Variants in LIPC observed in about 807,000 individuals in gnomAD.
LIPC encodes lipase C, hepatic type.
In LIPC, 44 loss-of-function variants were observed where a neutral mutation model predicts 50.7. The observed-to-expected ratio is 0.87, with a 90% CI of 0.68 to 1.11. The LOEUF is 1.11. LIPC is among the 50% of genes most tolerant of loss of function. The pLI is 0.00. For missense variants in LIPC, 697 were observed against 648.2 expected (o/e 1.08, Z -0.82); for synonymous variants, 271 against 256.4 (o/e 1.06, Z -0.54).
chr15:58,545,102 T>C (rs1893476122), intron 4 of LIPC, among the ~76,000 whole-genome samples: 1 of 152,252 alleles, frequency 6.6e-6, no homozygotes, highest in Non-Finnish European at 1.5e-5. Context: ...TTTCATTCTT[T>C]GATAGGTAGG....
chr15:58,525,201 T>C (rs1443326897), intron 1 of LIPC, among the ~76,000 whole-genome samples: 1 of 152,220 alleles, frequency 6.6e-6, no homozygotes, highest in African/African-American at 2.4e-5. Flanking sequence ...AGAAATTAGA[T>C]TTCCACTGCC....
chr15:58,499,725 C>T (rs1024775765), intron 1 of LIPC, among the ~76,000 whole-genome samples: 9 of 152,140 alleles, frequency 5.9e-5, no homozygotes, highest in South Asian at 4.1e-4. Flanking sequence ...AGGAGCCACC[C>T]GAAATGCTAA....
At chr15:58,544,426 C>T (rs573292903) in intron 4 of LIPC, among the ~76,000 whole-genome samples, 159 of 121,264 alleles carry the variant, frequency 1.3e-3, no homozygotes, top group African/African-American at 4.5e-3. Flanking sequence ...GACAGAGTCT[C>T]ATTCTGTTGC....
At chr15:58,499,543 A>G (rs1471978549) in intron 1 of LIPC, among the ~76,000 whole-genome samples, 1 of 152,152 alleles carries the variant, frequency 6.6e-6, no homozygotes, top group African/African-American at 2.4e-5. Context: ...TCTAAACCAG[A>G]TTCCCATTTC....
chr15:58,507,570 T>C (rs1892192251), intron 1 of LIPC, among the ~76,000 whole-genome samples: 1 of 152,206 alleles, frequency 6.6e-6, no homozygotes, highest in African/African-American at 2.4e-5. Context: ...CTCACTAAAG[T>C]GGTCCCTCTT....
chr15:58,469,508 A>G (rs1361989427), intron 1 of LIPC, among the ~76,000 whole-genome samples: 2 of 152,148 alleles, frequency 1.3e-5, no homozygotes, highest in Non-Finnish European at 1.5e-5. Flanking sequence ...CCCCCTTTCA[A>G]TTAAAGATCA....
chr15:58,527,191 G>A (rs1460515975), intron 1 of LIPC, among the ~76,000 whole-genome samples: 1 of 152,202 alleles, frequency 6.6e-6, no homozygotes, highest in Non-Finnish European at 1.5e-5. Flanking sequence ...CGGAGAAATC[G>A]AATTCTGGTC....
chr15:58,484,025 G>A, intron 1 of LIPC, among the ~76,000 whole-genome samples: 1 of 152,120 alleles, frequency 6.6e-6, no homozygotes, highest in Non-Finnish European at 1.5e-5. Context: ...GAAATTTGGG[G>A]TGAATCTACC....
intron 1 of LIPC, among the ~76,000 whole-genome samples, chr15:58,537,249 G>A (rs1173688836): frequency 6.6e-6 from 1 of 152,182 alleles, no homozygotes; most frequent in Non-Finnish European, 1.5e-5. Flanking sequence ...GTCCGTCTCT[G>A]GTGCAGCACC....
intron 1 of LIPC, among the ~76,000 whole-genome samples, chr15:58,514,594 C>T (rs751372898): frequency 1.3e-4 from 20 of 152,108 alleles, no homozygotes; most frequent in Non-Finnish European, 2.8e-4. Context: ...GAGGCCAAGG[C>T]GGGAGGATCA....
intron 1 of LIPC, among the ~76,000 whole-genome samples, chr15:58,528,491 C>T (rs1179457938): frequency 3.9e-5 from 6 of 152,174 alleles, no homozygotes; most frequent in Non-Finnish European, 8.8e-5. Flanking sequence ...TTAAGCCAGG[C>T]AATCTGGCTC....
At chr15:58,557,217 G>T (rs1893982913) in intron 6 of LIPC, among the ~76,000 whole-genome samples, 1 of 152,058 alleles carries the variant, frequency 6.6e-6, no homozygotes, top group South Asian at 2.1e-4. Flanking sequence ...TCCGAGAAAA[G>T]TCACTTAACT....
chr15:58,503,341 G>T (rs1165603879), intron 1 of LIPC, among the ~76,000 whole-genome samples: 1 of 152,154 alleles, frequency 6.6e-6, no homozygotes, highest in Admixed American at 6.5e-5. Context: ...TCAGAGGCTG[G>T]AGAAGGAGTG....
intron 1 of LIPC, among the ~76,000 whole-genome samples, chr15:58,496,780 T>G (rs1018354094): frequency 1.8e-5 from 2 of 113,946 alleles, no homozygotes; most frequent in African/African-American, 6.2e-5. Context: ...AGTCTCCCTC[T>G]GTCACCCAGG....
chr15:58,553,331 C>T (rs559464559), intron 6 of LIPC, among the ~76,000 whole-genome samples: 1 of 152,336 alleles, frequency 6.6e-6, no homozygotes, highest in South Asian at 2.1e-4. Context: ...CACGGTGGCT[C>T]ACACCTGAAG....
chr15:58,540,324 T>G (rs1176253474), intron 2 of LIPC, among the ~76,000 whole-genome samples: 1 of 152,210 alleles, frequency 6.6e-6, no homozygotes, highest in African/African-American at 2.4e-5. Flanking sequence ...AACGAACATT[T>G]GTTGAGTCCT....
intron 1 of LIPC, among the ~76,000 whole-genome samples, chr15:58,474,147 T>C (rs572971213): frequency 3.3e-5 from 5 of 152,214 alleles, no homozygotes; most frequent in African/African-American, 1.2e-4. Context: ...GACTAGGCCC[T>C]TTGGTGGGGG....
At chr15:58,432,489 A>G (rs1273628934) in intron 1 of LIPC, 2 of 312,456 alleles carry the variant, frequency 6.4e-6, no homozygotes, top group Non-Finnish European at 1.2e-5. Context: ...CCAGGCTTGC[A>G]ATGAAATGCT....
intron 1 of LIPC, among the ~76,000 whole-genome samples, chr15:58,495,077 G>A (rs767746914): frequency 3.3e-5 from 5 of 152,172 alleles, no homozygotes; most frequent in African/African-American, 1.2e-4. Context: ...TTAGAACACA[G>A]AAGACTTTCT....
Sources: gnomAD v4.1 joint callset for allele counts (sites outside exome capture counted in the v4.1 genomes callset) on GRCh38, gnomAD v4.1.1 for gene constraint, MANE v1.5 for transcripts, NCBI Gene and HGNC (gene_info 2026-07-23, HGNC 2026-07-21) for gene names.